C12orf42: variants seen among roughly 807,000 people sequenced by gnomAD.
The protein encoded by C12orf42 is chromosome 12 open reading frame 42.
C12orf42 carries 25 observed loss-of-function variants against 21.6 expected under a neutral mutation model. The observed-to-expected ratio is 1.16, with a 90% CI of 0.84 to 1.62. The LOEUF is 1.62. Ranked by LOEUF, C12orf42 falls within the 40% of genes most tolerant of loss-of-function variation. The pLI, the probability that C12orf42 is intolerant of heterozygous loss-of-function variation, is 0.00. For missense variants in C12orf42, 483 were observed against 459.3 expected (o/e 1.05, Z -0.47); for synonymous variants, 174 against 175.0 (o/e 0.99, Z 0.05).
the C12orf42 span, among the ~76,000 whole-genome samples, chr12:103,171,266 G>C: frequency 1.8e-4 from 28 of 152,070 alleles, no homozygotes; most frequent in South Asian, 3.1e-3. Flanking sequence ...TAAACACCTC[G>C]GTATATACTT....
intron 2 of C12orf42, among the ~76,000 whole-genome samples, chr12:103,464,642 T>G (rs1952979835): frequency 6.6e-6 from 1 of 152,226 alleles, no homozygotes; most frequent in African/African-American, 2.4e-5. Context: ...TCTTTGCCAG[T>G]GCCTATGTCC....
chr12:103,206,509 C>T, the C12orf42 span, among the ~76,000 whole-genome samples: 1 of 126,284 alleles, frequency 7.9e-6, no homozygotes, highest in African/African-American at 2.8e-5. Flanking sequence ...CTTTTTTGGA[C>T]CTTTTCTATA....
chr12:103,530,627 G>C, the C12orf42 span, among the ~76,000 whole-genome samples: 2 of 103,380 alleles, frequency 1.9e-5, no homozygotes, highest in Non-Finnish European at 4.6e-5. Flanking sequence ...GCAAGTGTTC[G>C]GGGGGGGAAA....
the C12orf42 span, among the ~76,000 whole-genome samples, chr12:103,092,631 A>T: frequency 1.3e-5 from 2 of 152,010 alleles, no homozygotes. Context: ...CCTTCCCCAC[A>T]CTCATCACCC....
intron 4 of C12orf42, among the ~76,000 whole-genome samples, chr12:103,280,176 T>G (rs7956028): frequency 0.16 from 24,339 of 152,142 alleles, 1,965 homozygotes; most frequent in South Asian, 0.22. Flanking sequence ...CCACATTTTG[T>G]AGGCAAGGAA....
At chr12:103,470,450 G>A in intron 2 of C12orf42, among the ~76,000 whole-genome samples, 1 of 152,274 alleles carries the variant, frequency 6.6e-6, no homozygotes, top group East Asian at 1.9e-4. Context: ...TTCATTCATG[G>A]TGAGAACATG....
At position 103,306,203 on chromosome 12, in the gene C12orf42, G is replaced by A; in HGVS notation, c.402C>T (p.Ser134=). ...TCAATGGGGCCTCATCAGTTTCACTGGATGGTGCTGGAGAGGAACGGAATT... is the reference window on the plus strand; with the variant it reads ...TCAATGGGGCCTCATCAGTTTCACTAGATGGTGCTGGAGAGGAACGGAATT... ...YEEFRSSPAP[S]SETDEAPLIF... is the part of the protein sequence containing the mutation. Residue 134 remains serine (S), a synonymous_variant, in exon 5 of 6, where the codon TCC becomes TCT. Transcript: ENST00000548883. The A allele has an allele frequency of 6.2e-7, 1 of 1,613,916 alleles. No homozygotes were observed. Among genetic ancestry groups the A allele is most frequent in the Non-Finnish European group, 8.5e-7 (1 of 1,179,866 alleles).
the C12orf42 span, among the ~76,000 whole-genome samples, chr12:103,094,319 C>T: frequency 2.6e-5 from 4 of 152,298 alleles, no homozygotes; most frequent in African/African-American, 9.6e-5. Flanking sequence ...GTTCAAATCC[C>T]ATTTATGGCT....
rs368883795 is a variant in C12orf42 at position 103,462,818 on chromosome 12, C to A, written c.78+15531G>T. Among the ~76,000 whole-genome samples, 3 of 152,196 alleles carry A rather than the reference C, an allele frequency of 2.0e-5. No homozygotes were observed. In the South Asian group the frequency reaches 6.2e-4, roughly 31 times the overall value. The stretch of plus-strand genomic sequence containing the variant: ...GCTCTGATTACTCATTAAACCCTAT[C>A]TGTGGAGAATAATAATAATGCATTC... On this transcript the variant is annotated intron_variant, in intron 2 of 5. Transcript: ENST00000548883.
At chr12:103,308,385 T>C (rs538754459) in intron 4 of C12orf42, among the ~76,000 whole-genome samples, 2 of 152,324 alleles carry the variant, frequency 1.3e-5, no homozygotes, top group East Asian at 1.9e-4. Context: ...GTAACTTCTA[T>C]GTAATATTCA....
At chr12:103,524,707 C>T in the C12orf42 span, among the ~76,000 whole-genome samples, 2 of 152,164 alleles carry the variant, frequency 1.3e-5, no homozygotes, top group African/African-American at 2.4e-5. Context: ...TGATGAATAG[C>T]TGCTAAGGGG....
At chr12:103,235,868 C>T (rs2033451549), downstream of C12orf42, among the ~76,000 whole-genome samples, 2 of 152,164 alleles carry the variant, frequency 1.3e-5, no homozygotes, top group Non-Finnish European at 1.5e-5. Context: ...GAGCTTAAGA[C>T]ATATGCATGC....
At chr12:103,259,764 C>T (rs1273100426) in intron 10 of C12orf42, among the ~76,000 whole-genome samples, 1 of 152,178 alleles carries the variant, frequency 6.6e-6, no homozygotes, top group African/African-American at 2.4e-5. Context: ...ACCTCATGGT[C>T]ATAAGTAATA....
the C12orf42 span, among the ~76,000 whole-genome samples, chr12:103,173,623 A>G: frequency 1.3e-5 from 2 of 151,326 alleles, no homozygotes; most frequent in Admixed American, 1.3e-4. Flanking sequence ...TGTAACTTTC[A>G]TTAGACCTCC....
At chr12:103,533,009 A>G in the C12orf42 span, among the ~76,000 whole-genome samples, 1 of 152,182 alleles carries the variant, frequency 6.6e-6, no homozygotes, top group Non-Finnish European at 1.5e-5. Context: ...AGTTCACCCT[A>G]CGGTTCAGTC....
At chr12:103,351,110 G>A (rs1421123423) in intron 4 of C12orf42, among the ~76,000 whole-genome samples, 1 of 152,104 alleles carries the variant, frequency 6.6e-6, no homozygotes, top group Non-Finnish European at 1.5e-5. Flanking sequence ...TCTATAAGGT[G>A]TTAAATCAAG....
At chr12:103,248,253 A>G (rs2034108758) in intron 10 of C12orf42, among the ~76,000 whole-genome samples, 2 of 152,060 alleles carry the variant, frequency 1.3e-5, no homozygotes, top group South Asian at 2.1e-4. Flanking sequence ...TTTAGCCATT[A>G]TACAATGAAT....
chr12:103,403,952 G>A (rs2048233735), intron 2 of C12orf42, among the ~76,000 whole-genome samples: 1 of 152,148 alleles, frequency 6.6e-6, no homozygotes, highest in South Asian at 2.1e-4. Context: ...ACAACAGGGT[G>A]GCATCATTCA....
At chr12:103,055,688 C>A in the C12orf42 span, among the ~76,000 whole-genome samples, 1 of 151,844 alleles carries the variant, frequency 6.6e-6, no homozygotes, top group Non-Finnish European at 1.5e-5. Context: ...AATTCAGTAC[C>A]ATTGATGTCC....
Sources: allele counts gnomAD v4.1 joint callset (sites outside exome capture counted in the v4.1 genomes callset), GRCh38; gene constraint gnomAD v4.1.1; transcripts MANE v1.5; gene names NCBI Gene and HGNC (gene_info 2026-07-23, HGNC 2026-07-21).